RAB3GAP1: variants seen among roughly 807,000 people sequenced by gnomAD.
RAB3GAP1 encodes rab3 GTPase-activating protein catalytic subunit.
Under a neutral mutation model 130.7 loss-of-function variants are expected in RAB3GAP1, and 86 were observed. That is an observed-to-expected ratio of 0.66 (90% CI 0.55 to 0.79). The LOEUF (loss-of-function observed/expected upper bound fraction) is 0.79, where lower values mean the gene tolerates loss of function less well. Ranked by LOEUF, RAB3GAP1 falls within the 30% of genes least tolerant of loss-of-function variation. RAB3GAP1 has a pLI of 0.00. For missense variants in RAB3GAP1, 1,029 were observed against 1,169.4 expected, an observed-to-expected ratio of 0.88 and a Z score of 1.75; for synonymous variants, 367 against 401.7, an observed-to-expected ratio of 0.91 and a Z score of 1.03.
chr2:135,135,685 A>G lies in RAB3GAP1; in HGVS notation c.1676A>G (p.Asp559Gly), dbSNP rs1691658814. 2.5e-6 allele frequency: 4 copies of G among 1,614,142 alleles called. No individual in the cohort carries two copies. The highest frequency in any genetic ancestry group is 3.4e-6 in the Non-Finnish European group (4 of 1,180,000). The change falls in exon 17 of 24, where the codon GAT becomes GGT. Residue 559 changes from aspartate (D) to glycine (G), a missense_variant. Asp to Gly is a moderately conservative substitution (Grantham distance 94). Around this residue, in one of 3 missense-constraint regions of RAB3GAP1, gnomAD observed 373 missense variants for 493.6 expected, o/e 0.76. Transcript: ENST00000264158. The stretch of plus-strand genomic sequence containing the variant: ...AAAGCAGGAGACCAGTTGGTGCCAG[A>G]TAATCTAAAAGAAACAGATAAGGAA... ...AGKAGDQLVP[D>G]NLKETDKEKG...
At chr2:135,096,542 G>C (rs1690299269) in intron 5 of RAB3GAP1, among the ~76,000 whole-genome samples, 1 of 151,906 alleles carries the variant, frequency 6.6e-6, no homozygotes, top group Non-Finnish European at 1.5e-5. Flanking sequence ...ATTCCGTTCT[G>C]GCCTTTTAAA....
rs1019417430 is a variant in RAB3GAP1, at chr2:135,079,534, C to G, written c.151-11464C>G. On this transcript the variant is annotated intron_variant, in intron 3 of 23. Coordinates refer to ENST00000264158, the MANE Select transcript of RAB3GAP1 (RefSeq NM_012233.3). ...TCTCTAATTTCTCCACCTTTTTTCTCTACTCCCCTATAGGGAACTTTAGCT... is the reference window on the plus strand; with the variant it reads ...TCTCTAATTTCTCCACCTTTTTTCTGTACTCCCCTATAGGGAACTTTAGCT... Among the ~76,000 whole-genome samples the G allele has an allele frequency of 5.9e-5, 9 of 152,116 alleles. 1 individual carries two copies. Among genetic ancestry groups the G allele is most frequent in the Admixed American group, 4.6e-4 (7 of 15,270 alleles).
chr2:135,088,974 A>G (rs996942883), intron 3 of RAB3GAP1, among the ~76,000 whole-genome samples: 1 of 152,010 alleles, frequency 6.6e-6, no homozygotes, highest in Non-Finnish European at 1.5e-5. Context: ...TTAATCAAGA[A>G]GTCTTTGCTA....
chr2:135,058,272 T>G, intron 3 of RAB3GAP1, 186 bp downstream of exon 3: 1 of 581,216 alleles, frequency 1.7e-6, no homozygotes, highest in South Asian at 2.0e-5. Flanking sequence ...GTAAGACATT[T>G]GTGAAATGTT....
intron 3 of RAB3GAP1, among the ~76,000 whole-genome samples, chr2:135,067,495 A>G (rs918328915): frequency 2.6e-5 from 4 of 152,196 alleles, no homozygotes; most frequent in Admixed American, 1.3e-4. Context: ...GATTCATTCA[A>G]ATTGGAAGTT....
intron 2 of RAB3GAP1, 33 bp from the exon 3 acceptor site, chr2:135,057,978 G>A (rs763224610): frequency 2.8e-6 from 4 of 1,442,504 alleles, no homozygotes; most frequent in South Asian, 1.1e-5. Context: ...AAGGTGTGCT[G>A]TTGTATTTAG....
intron 17 of RAB3GAP1, among the ~76,000 whole-genome samples, chr2:135,137,998 C>A (rs996764848): frequency 6.6e-6 from 1 of 151,636 alleles, no homozygotes; most frequent in East Asian, 1.9e-4. Flanking sequence ...GCTAATTTTT[C>A]GTGGTTTTTA....
rs777707365 is a variant in RAB3GAP1, at chr2:135,135,639, A to G, written c.1630A>G (p.Ile544Val). The part of the protein sequence containing the change: ...KKTSASDVTN[I>V]YPGDAGKAGD... ...GACAAGTGCTTCAGATGTCACTAAT[A>G]TATATCCAGGGGATGCTGGAAAAGC... The change falls in exon 17 of 24, where the codon ATA becomes GTA. Residue 544 changes from isoleucine (I) to valine (V), a missense_variant. Coordinates refer to ENST00000264158, the MANE Select transcript of RAB3GAP1 (RefSeq NM_012233.3). 4.3e-6 allele frequency: 7 copies of G among 1,613,014 alleles called. No individual in the cohort carries two copies. The Admixed American group carries it at 8.4e-5, about 19-fold the overall frequency.
intron 5 of RAB3GAP1, among the ~76,000 whole-genome samples, chr2:135,102,343 G>C (rs1283301382): frequency 6.6e-6 from 1 of 152,208 alleles, no homozygotes; most frequent in Non-Finnish European, 1.5e-5. Flanking sequence ...AAGGGACACA[G>C]CCTTGCAGCT....
In RAB3GAP1 at chr2:135,117,809, T is replaced by TTCTTTCTTCTTCTTTC. The variant is rs1553445371; in HGVS notation, c.648+2429_648+2430insCTTTCTTCTTCTTTCT. On this transcript the variant is annotated intron_variant, in intron 7 of 23. Coordinates refer to ENST00000264158, the MANE Select transcript of RAB3GAP1 (RefSeq NM_012233.3). ...CTGCTTCTTCTTCTTCTTCTTCTTC[T>TTCTTTCTTCTTCTTTC]TTCTTCTTCTTTCTTCTTCTTCTTT... is the stretch of plus-strand genomic sequence containing the variant. 4.9e-3 allele frequency among the ~76,000 whole-genome samples: 538 copies of TTCTTTCTTCTTCTTTC among 110,334 alleles called. 2 individuals are homozygous for TTCTTTCTTCTTCTTTC. Among genetic ancestry groups the TTCTTTCTTCTTCTTTC allele is most frequent in the African/African-American group, 0.017 (514 of 30,608 alleles). 72.4% of individuals were successfully genotyped at this position (110,334 alleles called of 152,430 possible).
chr2:135,105,456 G>A (rs1479950855), intron 5 of RAB3GAP1, among the ~76,000 whole-genome samples: 2 of 152,068 alleles, frequency 1.3e-5, no homozygotes, highest in Non-Finnish European at 2.9e-5. Flanking sequence ...CTGGTCTCCA[G>A]CTCCTAACCG....
chr2:135,111,582 CAT>C, intron 5 of RAB3GAP1, among the ~76,000 whole-genome samples: 1 of 152,284 alleles, frequency 6.6e-6, no homozygotes, highest in East Asian at 1.9e-4. Flanking sequence ...TTAGAAAGGA[CAT>C]ATACATCATT....
In RAB3GAP1 at chr2:135,052,325, G is replaced by A. The variant is rs772745015; in HGVS notation, c.18G>A (p.Glu6=). The change falls in exon 1 of 24, where the codon GAG becomes GAA. Residue 6 remains glutamate (E), a splice_region_variant and synonymous_variant. Transcript: ENST00000264158. The part of the protein sequence containing the change: MAADS[E]PESEVFEITD... Reference sequence around the variant, plus strand: ...TCCTCAAGATGGCTGCCGACAGTGAGGTGATTTCTTTGCTCCCTACTTAAT... The same window carrying A: ...TCCTCAAGATGGCTGCCGACAGTGAAGTGATTTCTTTGCTCCCTACTTAAT... The A allele has an allele frequency of 5.0e-6, 8 of 1,613,994 alleles. No individual in the cohort carries two copies. Among genetic ancestry groups the A allele is most frequent in the Non-Finnish European group, 6.8e-6 (8 of 1,180,036 alleles).
At chr2:135,064,755 G>GTTTTTTTTTT (rs746093269) in intron 3 of RAB3GAP1, among the ~76,000 whole-genome samples, 2 of 104,968 alleles carry the variant, frequency 1.9e-5, no homozygotes, top group African/African-American at 3.3e-5. Context: ...GAGGTGTTTT[G>GTTTTTTTTTT]TTTTTTTTTT....
At chr2:135,120,759 G>GAATTA in intron 7 of RAB3GAP1, 60 bp from the exon 8 acceptor site, 1 of 1,226,360 alleles carries the variant, frequency 8.2e-7, no homozygotes, top group Non-Finnish European at 1.2e-6. Flanking sequence ...TTTTGATGTT[G>GAATTA]AATTAATATG....
At chr2:135,077,614 C>T (rs1370135668) in intron 3 of RAB3GAP1, among the ~76,000 whole-genome samples, 1 of 152,182 alleles carries the variant, frequency 6.6e-6, no homozygotes, top group African/African-American at 2.4e-5. Context: ...AGTAACTCTT[C>T]AATTTTTTGA....
chr2:135,175,333 A>G (rs1314164278), downstream of RAB3GAP1: 1 of 152,218 alleles, frequency 6.6e-6, no homozygotes, highest in Non-Finnish European at 1.5e-5. Flanking sequence ...TCAGCTCCCC[A>G]GGTGTGTCCT....
At chr2:135,055,503 C>T (rs1023217428) in intron 2 of RAB3GAP1, among the ~76,000 whole-genome samples, 1 of 152,024 alleles carries the variant, frequency 6.6e-6, no homozygotes, top group Non-Finnish European at 1.5e-5. Context: ...CATGGCGAAA[C>T]CTTGTCTCTA....
At chr2:135,149,624 C>A (rs972085616) in intron 17 of RAB3GAP1, among the ~76,000 whole-genome samples, 1 of 152,122 alleles carries the variant, frequency 6.6e-6, no homozygotes, top group East Asian at 1.9e-4. Flanking sequence ...AATAAAAACT[C>A]ATAGTTTTAT....
Sources: gnomAD v4.1 joint callset for allele counts (sites outside exome capture counted in the v4.1 genomes callset) on GRCh38, gnomAD v4.1.1 for gene constraint, gnomAD v4.1.1 regional missense constraint, MANE v1.5 for transcripts, NCBI Gene and HGNC (gene_info 2026-07-23, HGNC 2026-07-21) for gene names.